Variants in TENM2 observed in about 807,000 individuals in gnomAD.
TENM2 encodes teneurin transmembrane protein 2.
A neutral mutation model predicts 245.2 loss-of-function variants in TENM2; 52 were observed. The ratio of observed to expected loss-of-function variants is 0.21; its 90% CI spans 0.17 to 0.27. TENM2 has a LOEUF of 0.27. Among genes scored for constraint, TENM2 ranks in the 10% least tolerant of loss-of-function variants. TENM2 has a pLI of 1.00. For synonymous variants in TENM2, 1,363 were observed against 1,438.9 expected (o/e 0.95, Z 1.19); for missense variants, 3,046 against 3,666.8 (o/e 0.83, Z 4.37).
At chr5:168,157,940 T>C (rs1757332333) in intron 12 of TENM2, among the ~76,000 whole-genome samples, 1 of 152,156 alleles carries the variant, frequency 6.6e-6, no homozygotes, top group African/African-American at 2.4e-5. Context: ...GTTGTTGTTT[T>C]GAGACCGAGT....
At chr5:167,524,260 C>G (rs1770958411) in intron 2 of TENM2, among the ~76,000 whole-genome samples, 1 of 151,998 alleles carries the variant, frequency 6.6e-6, no homozygotes, top group Non-Finnish European at 1.5e-5. Context: ...AGACTTTGTA[C>G]AAGTTCATAA....
At chr5:167,293,644 T>C (rs926345514) in intron 1 of TENM2, among the ~76,000 whole-genome samples, 1 of 152,118 alleles carries the variant, frequency 6.6e-6, no homozygotes, top group African/African-American at 2.4e-5. Flanking sequence ...TGAGTTTACT[T>C]AAAGAGCCAG....
intron 1 of TENM2, among the ~76,000 whole-genome samples, chr5:167,289,867 C>A (rs1561838894): frequency 1.3e-5 from 2 of 152,098 alleles, no homozygotes; most frequent in Admixed American, 6.6e-5. Context: ...TTCCACTATA[C>A]CTAAATAATA....
At chr5:167,265,387 G>T in the TENM2 span, among the ~76,000 whole-genome samples, 29 of 151,026 alleles carry the variant, frequency 1.9e-4, no homozygotes, top group African/African-American at 6.6e-4. Context: ...CATTTTAAAG[G>T]GTTTGCTCGA....
intron 6 of TENM2, among the ~76,000 whole-genome samples, chr5:168,052,017 T>C (rs1581167939): frequency 1.3e-5 from 2 of 152,226 alleles, no homozygotes; most frequent in South Asian, 4.1e-4. Context: ...CCCAACACTT[T>C]GGGATGCGAA....
At chr5:167,166,521 G>A in the TENM2 span, among the ~76,000 whole-genome samples, 1 of 152,136 alleles carries the variant, frequency 6.6e-6, no homozygotes, top group Non-Finnish European at 1.5e-5. Flanking sequence ...TTTTTAAACT[G>A]TAAAAGAATG....
intron 2 of TENM2, among the ~76,000 whole-genome samples, chr5:167,385,138 A>T (rs2127347353): frequency 6.6e-6 from 1 of 152,296 alleles, no homozygotes; most frequent in South Asian, 2.1e-4. Flanking sequence ...TCATAATATT[A>T]TTTTTAAGGG....
chr5:168,030,944 T>A (rs1439561747), intron 5 of TENM2, among the ~76,000 whole-genome samples: 1 of 152,128 alleles, frequency 6.6e-6, no homozygotes, highest in East Asian at 1.9e-4. Context: ...AAAGACCCTG[T>A]TTTTACTGAG....
intron 2 of TENM2, among the ~76,000 whole-genome samples, chr5:167,578,471 T>G (rs756715975): frequency 1.2e-4 from 18 of 152,350 alleles, no homozygotes; most frequent in Non-Finnish European, 2.4e-4. Context: ...TGTCATGCCC[T>G]CATTAGACAG....
At chr5:167,202,278 C>T in the TENM2 span, among the ~76,000 whole-genome samples, 1 of 152,100 alleles carries the variant, frequency 6.6e-6, no homozygotes, top group Non-Finnish European at 1.5e-5. Context: ...TGCTGCATCT[C>T]CCGGTCTCTT....
At position 168,097,963 on chromosome 5, in the gene TENM2, C is replaced by T. The variant is rs144916713; in HGVS notation, c.1712-63C>T. ...GTCTTTAAAAGTGGCAAGTTACTGA[C>T]GGTTAAATTACTGCACCAGTAGACA... On this transcript the variant is annotated intron_variant, in intron 8 of 28. Transcript: ENST00000518659. The T allele has an allele frequency of 2.0e-4, 254 of 1,266,636 alleles. No individual in the cohort carries two copies. In the East Asian group the frequency reaches 5.4e-3, roughly 27 times the overall value. 78.5% of individuals were successfully genotyped at this position (1,266,636 alleles called of 1,614,324 possible). A position where few individuals can be genotyped will look rare whatever the true frequency, so the allele number is the denominator to read the frequency against.
At chr5:167,875,929 T>C in intron 2 of TENM2, 57 bp from the exon 5 acceptor site, 1 of 1,202,870 alleles carries the variant, frequency 8.3e-7, no homozygotes, top group Non-Finnish European at 1.2e-6. Flanking sequence ...GTAACTTTCT[T>C]GGGGTGCTCT....
chr5:167,605,826 C>A (rs566017960), intron 2 of TENM2, among the ~76,000 whole-genome samples: 2 of 152,068 alleles, frequency 1.3e-5, no homozygotes, highest in African/African-American at 4.8e-5. Context: ...GGTTCTTTCC[C>A]GGGAATGCAC....
intron 2 of TENM2, among the ~76,000 whole-genome samples, chr5:167,549,142 A>G (rs545510475): frequency 2.6e-4 from 40 of 152,262 alleles, no homozygotes; most frequent in Non-Finnish European, 5.1e-4. Context: ...TAGCAGAGCA[A>G]TCTTATGGAC....
At chr5:168,072,062 T>C (rs1791056122) in intron 7 of TENM2, among the ~76,000 whole-genome samples, 1 of 152,202 alleles carries the variant, frequency 6.6e-6, no homozygotes, top group African/African-American at 2.4e-5. Flanking sequence ...TGCTCCCTCT[T>C]CTTGGTGATA....
chr5:167,928,681 G>A (rs555198732), intron 3 of TENM2, among the ~76,000 whole-genome samples: 2 of 152,044 alleles, frequency 1.3e-5, no homozygotes, highest in South Asian at 2.1e-4. Context: ...ATCACTTGAG[G>A]TCAGGAGTTC....
intron 2 of TENM2, among the ~76,000 whole-genome samples, chr5:167,663,717 ATC>A (rs1048136420): frequency 6.6e-6 from 1 of 151,808 alleles, no homozygotes; most frequent in African/African-American, 2.4e-5. Flanking sequence ...TCATATTTTA[ATC>A]TCTGTGTCTC....
Position 167,362,185 on chromosome 5 carries a change from T to C in TENM2, c.227-13013T>C, listed in dbSNP as rs79828779. Among the ~76,000 whole-genome samples, 1,017 of 152,302 alleles carry C rather than the reference T, an allele frequency of 6.7e-3. 13 individuals are homozygous for C. The highest frequency in any genetic ancestry group is 0.024 in the African/African-American group (978 of 41,564). On this transcript the variant is annotated intron_variant, in intron 1 of 28. Coordinates refer to ENST00000518659, the Ensembl canonical transcript of TENM2. Reference sequence around the variant, plus strand: ...AAGGAAGAAAAGGAAAACTCTTGACTCAGTTTCAATTATCCTCTCCCTGCT... The same window carrying C: ...AAGGAAGAAAAGGAAAACTCTTGACCCAGTTTCAATTATCCTCTCCCTGCT...
intron 2 of TENM2, among the ~76,000 whole-genome samples, chr5:167,873,019 A>G (rs1232481333): frequency 6.6e-6 from 1 of 152,272 alleles, no homozygotes; most frequent in East Asian, 1.9e-4. Flanking sequence ...ATATGCCTCA[A>G]TAACACAAAC....
Sources: gnomAD v4.1 joint callset for allele counts (sites outside exome capture counted in the v4.1 genomes callset) on GRCh38, gnomAD v4.1.1 for gene constraint, MANE v1.5 for transcripts, NCBI Gene and HGNC (gene_info 2026-07-23, HGNC 2026-07-21) for gene names.